SNAPC1: variants seen among roughly 807,000 people sequenced by gnomAD.
SNAPC1 encodes the protein snRNA-activating protein complex subunit 1.
In SNAPC1, 42 loss-of-function variants were observed where a neutral mutation model predicts 50.1. That is an observed-to-expected ratio of 0.84 (90% CI 0.65 to 1.08). The LOEUF is 1.08. Ranked by LOEUF, SNAPC1 falls within the 50% of genes least tolerant of loss-of-function variation. SNAPC1 has a pLI of 0.00. For synonymous variants in SNAPC1, 164 were observed against 144.2 expected, an observed-to-expected ratio of 1.14 and a Z score of -0.98; for missense variants, 477 against 427.3, an observed-to-expected ratio of 1.12 and a Z score of -1.02.
intron 1 of SNAPC1, among the ~76,000 whole-genome samples, chr14:61,764,434 G>A (rs1357109397): frequency 1.3e-5 from 2 of 152,100 alleles, no homozygotes; most frequent in Admixed American, 1.3e-4. Flanking sequence ...TTAATAAAAG[G>A]AGAGAGACTT....
chr14:61,767,980 A>G (rs1273956350), intron 3 of SNAPC1, among the ~76,000 whole-genome samples: 1 of 152,112 alleles, frequency 6.6e-6, no homozygotes, highest in East Asian at 1.9e-4. Flanking sequence ...GGGTTTCACC[A>G]TATTGGTCAG....
chr14:61,767,481 T>TTA (rs1303273196), intron 3 of SNAPC1, 129 bp downstream of exon 3: 1 of 518,056 alleles, frequency 1.9e-6, no homozygotes, highest in Non-Finnish European at 3.0e-6. Context: ...TTTTTTTTTT[T>TTA]TAGACAGAGT....
chr14:61,765,299 A>G (rs534939023), intron 1 of SNAPC1, among the ~76,000 whole-genome samples: 53 of 152,316 alleles, frequency 3.5e-4, no homozygotes, highest in African/African-American at 1.3e-3. Flanking sequence ...AAAATTTGAG[A>G]CACGTCTCAG....
chr14:61,769,136 G>A (rs2044969554), intron 4 of SNAPC1, among the ~76,000 whole-genome samples: 1 of 152,022 alleles, frequency 6.6e-6, no homozygotes, highest in Admixed American at 6.6e-5. Context: ...GAGGTGGGTG[G>A]ATCACGAAGT....
At chr14:61,769,588 A>C (rs148162606) in intron 4 of SNAPC1, among the ~76,000 whole-genome samples, 147 of 151,740 alleles carry the variant, frequency 9.7e-4, no homozygotes, top group Admixed American at 1.8e-3. Flanking sequence ...TGGTAGAAAC[A>C]GGGTTTTGCC....
At chr14:61,793,449 C>T (rs766490816) in intron 9 of SNAPC1, among the ~76,000 whole-genome samples, 11 of 152,016 alleles carry the variant, frequency 7.2e-5, no homozygotes, top group Admixed American at 1.3e-4. Context: ...CACTGTGTTG[C>T]CTAGGCTGGT....
At position 61,794,938 on chromosome 14, in the gene SNAPC1, T is replaced by G. The variant is rs751371177; in HGVS notation, c.1073-11T>G. ...TTAGATCTGACTGACTTTTAAACTT[T>G]ATGTCTTTAGAGTTCACTGCATCCA... On this transcript the variant is annotated splice_polypyrimidine_tract_variant and intron_variant, in intron 9 of 9. Coordinates refer to ENST00000216294, the MANE Select transcript of SNAPC1 (RefSeq NM_003082.4). 5 of 1,581,078 alleles carry G rather than the reference T, an allele frequency of 3.2e-6. No homozygotes were observed. The highest frequency in any genetic ancestry group is 4.3e-6 in the Non-Finnish European group (5 of 1,159,452).
intron 8 of SNAPC1, 98 bp downstream of exon 8, chr14:61,782,495 C>A: frequency 2.5e-6 from 2 of 813,208 alleles, no homozygotes; most frequent in Non-Finnish European, 3.7e-6. Flanking sequence ...GGATTAGATA[C>A]TTGTTTGAGA....
rs552506899 is a variant in SNAPC1 at position 61,770,680 on chromosome 14, A to T, written c.534+1940A>T. ...AGGATCCTTAATCTCTGGCCTGGAG[A>T]TGGTCCATGTCCCTCTCCCCCACCA... On this transcript the variant is annotated intron_variant, in intron 4 of 9. Transcript: ENST00000216294. Among the ~76,000 whole-genome samples, 8 of 152,062 alleles carry T rather than the reference A, an allele frequency of 5.3e-5. No homozygotes were observed. In the South Asian group the frequency reaches 1.7e-3, roughly 32 times the overall value.
At position 61,776,061 on chromosome 14, in the gene SNAPC1, T is replaced by C. The variant is rs202016162; in HGVS notation, c.535-34T>C. On this transcript the variant is annotated intron_variant, in intron 4 of 9. Transcript: ENST00000216294. The stretch of plus-strand genomic sequence containing the variant: ...TGCCTTTTAGTTTCTCCTCAAAAAG[T>C]GAAGAAATAAAGGACTCATCTTTTT... 555 of 1,532,928 alleles carry C rather than the reference T, an allele frequency of 3.6e-4. 1 individual carries two copies. The Middle Eastern group carries it at 8.2e-3, about 23-fold the overall frequency. 95.0% of individuals were successfully genotyped at this position (1,532,928 alleles called of 1,614,324 possible).
At chr14:61,788,146 G>A (rs1251446800) in intron 8 of SNAPC1, among the ~76,000 whole-genome samples, 4 of 152,158 alleles carry the variant, frequency 2.6e-5, no homozygotes, top group African/African-American at 9.7e-5. Context: ...TCTGAGATTT[G>A]TTAATGAATT....
rs542651168 is a variant in SNAPC1 at position 61,786,373 on chromosome 14, T to G, written c.976+3976T>G. 5.9e-5 allele frequency among the ~76,000 whole-genome samples: 9 copies of G among 152,268 alleles called. 1 individual carries two copies. The South Asian group carries it at 1.9e-3, about 32-fold the overall frequency. On this transcript the variant is annotated intron_variant, in intron 8 of 9. Coordinates refer to ENST00000216294, the MANE Select transcript of SNAPC1 (RefSeq NM_003082.4). Reference sequence around the variant, plus strand: ...GAAGATGAGAAGATAAGCCACAGACTGGGAGAAAATTTTTGCAAACTACTA... The same window carrying G: ...GAAGATGAGAAGATAAGCCACAGACGGGGAGAAAATTTTTGCAAACTACTA...
At chr14:61,789,716 A>C (rs1594652672) in intron 8 of SNAPC1, among the ~76,000 whole-genome samples, 1 of 152,290 alleles carries the variant, frequency 6.6e-6, no homozygotes, top group East Asian at 1.9e-4. Flanking sequence ...AAAGTGCTGG[A>C]AAAATATGTT....
intron 8 of SNAPC1, among the ~76,000 whole-genome samples, chr14:61,784,648 A>G (rs2045101734): frequency 1.3e-5 from 2 of 152,246 alleles, no homozygotes; most frequent in African/African-American, 4.8e-5. Flanking sequence ...GTAAAACTGT[A>G]TAAAAGCAGG....
rs758350903 is a variant in SNAPC1 at position 61,767,967 on chromosome 14, A to G, written c.429+615A>G. Among the ~76,000 whole-genome samples the G allele has an allele frequency of 9.1e-4, 139 of 152,116 alleles. 2 individuals carry two copies. Among genetic ancestry groups the G allele is most frequent in the Non-Finnish European group, 1.5e-5 (1 of 68,026 alleles). ...GCTAATTTTTGTATTTTTAGTAGAGATGGGGTTTCACCATATTGGTCAGGC... is the reference window on the plus strand; with the variant it reads ...GCTAATTTTTGTATTTTTAGTAGAGGTGGGGTTTCACCATATTGGTCAGGC... On this transcript the variant is annotated intron_variant, in intron 3 of 9. Transcript: ENST00000216294.
chr14:61,779,723 T>TTA (rs2045058442), intron 7 of SNAPC1, among the ~76,000 whole-genome samples: 1 of 149,990 alleles, frequency 6.7e-6, no homozygotes, highest in Non-Finnish European at 1.5e-5. Flanking sequence ...TTTTTTTTTT[T>TTA]TTGAGACAGA....
intron 4 of SNAPC1, among the ~76,000 whole-genome samples, chr14:61,771,325 A>G (rs999426158): frequency 1.2e-4 from 19 of 152,306 alleles, no homozygotes; most frequent in African/African-American, 4.3e-4. Context: ...TGAGTTACAG[A>G]GACTAGGTTA....
At chr14:61,763,314 A>G (rs949769954) in intron 1 of SNAPC1, among the ~76,000 whole-genome samples, 6 of 151,960 alleles carry the variant, frequency 3.9e-5, no homozygotes, top group Non-Finnish European at 8.8e-5. Context: ...TCAAAAGTGC[A>G]AATTTGATTA....
In SNAPC1 at chr14:61,796,043, A is replaced by G. The variant is rs2045187324; in HGVS notation, c.*1060A>G. On this transcript the variant is annotated 3_prime_UTR_variant, in exon 10 of 10. Coordinates refer to ENST00000216294, the MANE Select transcript of SNAPC1 (RefSeq NM_003082.4). Reference sequence around the variant, plus strand: ...ACTTCATGCTGTTTTCCAGCATGGTATTATTAAGGGATTTAAAGTTTGGGT... The same window carrying G: ...ACTTCATGCTGTTTTCCAGCATGGTGTTATTAAGGGATTTAAAGTTTGGGT... The G allele has an allele frequency of 6.6e-6, 1 of 152,146 alleles. No homozygotes were observed. The highest frequency in any genetic ancestry group is 2.4e-5 in the African/African-American group (1 of 41,438). 9.4% of individuals were successfully genotyped at this position (152,146 alleles called of 1,614,324 possible).
Sources: gnomAD v4.1 joint callset for allele counts (sites outside exome capture counted in the v4.1 genomes callset) on GRCh38, gnomAD v4.1.1 for gene constraint, MANE v1.5 for transcripts, NCBI Gene and HGNC (gene_info 2026-07-23, HGNC 2026-07-21) for gene names.